ULK2: variants seen among roughly 807,000 people sequenced by gnomAD.
ULK2 encodes the protein unc-51 like autophagy activating kinase 2, also known as serine/threonine-protein kinase ULK2.
Under a neutral mutation model 127.5 loss-of-function variants are expected in ULK2, and 76 were observed. That is an observed-to-expected ratio of 0.60 (90% CI 0.50 to 0.72). The LOEUF is 0.72. ULK2 is among the 30% of genes least tolerant of loss of function. The pLI is 0.00. For synonymous variants in ULK2, 452 were observed against 461.9 expected (o/e 0.98, Z 0.28); for missense variants, 1,144 against 1,295.9 (o/e 0.88, Z 1.80).
At chr17:19,844,172 C>T (rs762617029) in intron 7 of ULK2, among the ~76,000 whole-genome samples, 2 of 152,144 alleles carry the variant, frequency 1.3e-5, no homozygotes, top group African/African-American at 4.8e-5. Flanking sequence ...TGCTTTGTTA[C>T]GGGTATTTTC....
chr17:19,848,572 T>A (rs1434660793), intron 5 of ULK2, among the ~76,000 whole-genome samples: 1 of 151,854 alleles, frequency 6.6e-6, no homozygotes, highest in East Asian at 1.9e-4. Flanking sequence ...AGGTCAGGAG[T>A]TCGAGACCAG....
intron 16 of ULK2, among the ~76,000 whole-genome samples, chr17:19,800,240 T>C (rs960858898): frequency 6.6e-6 from 1 of 152,188 alleles, no homozygotes; most frequent in African/African-American, 2.4e-5. Flanking sequence ...TCACAGAAGT[T>C]TCCCCAAGTC....
intron 12 of ULK2, among the ~76,000 whole-genome samples, chr17:19,818,554 T>C (rs1181084990): frequency 2.0e-5 from 3 of 152,040 alleles, no homozygotes; most frequent in Non-Finnish European, 4.4e-5. Context: ...TCATTCTTTC[T>C]CGTAACAGTG....
At chr17:19,822,672 T>G (rs190085756) in intron 12 of ULK2, among the ~76,000 whole-genome samples, 1 of 151,522 alleles carries the variant, frequency 6.6e-6, no homozygotes, top group Non-Finnish European at 1.5e-5. Context: ...CCGGCCCGTT[T>G]ACTGTTTTTT....
At chr17:19,838,262 T>C (rs1293670053) in intron 10 of ULK2, among the ~76,000 whole-genome samples, 1 of 151,996 alleles carries the variant, frequency 6.6e-6, no homozygotes. Flanking sequence ...GTTTTTAATT[T>C]GTTTATTGTC....
chr17:19,845,245 A>T, intron 7 of ULK2, 59 bp downstream of exon 7: 1 of 1,449,690 alleles, frequency 6.9e-7, no homozygotes, highest in Non-Finnish European at 9.6e-7. Flanking sequence ...CATTATATTT[A>T]AATTCCAATG....
chr17:19,859,477 G>A (rs993179116), intron 3 of ULK2, among the ~76,000 whole-genome samples: 6 of 152,152 alleles, frequency 3.9e-5, no homozygotes, highest in Non-Finnish European at 7.4e-5. Context: ...TGAGACTGTC[G>A]CTGCACTCCC....
At chr17:19,793,391 A>G (rs2152384595) in intron 20 of ULK2, among the ~76,000 whole-genome samples, 1 of 152,324 alleles carries the variant, frequency 6.6e-6, no homozygotes, top group African/African-American at 2.4e-5. Flanking sequence ...AAGGCTAGCA[A>G]AACAACACAA....
At chr17:19,830,952 CG>C (rs1214184874) in intron 10 of ULK2, among the ~76,000 whole-genome samples, 1 of 149,754 alleles carries the variant, frequency 6.7e-6, no homozygotes, top group Non-Finnish European at 1.5e-5. Context: ...GCTTGAACCC[CG>C]GAAGTGGAGG....
chr17:19,853,823 G>C (rs1314681014), intron 3 of ULK2, among the ~76,000 whole-genome samples: 3 of 151,518 alleles, frequency 2.0e-5, no homozygotes, highest in African/African-American at 7.3e-5. Flanking sequence ...CCCCCGCCTC[G>C]GCCTCCCAAA....
chr17:19,807,104 G>T (rs2087531076), intron 14 of ULK2, among the ~76,000 whole-genome samples: 1 of 152,204 alleles, frequency 6.6e-6, no homozygotes, highest in African/African-American at 2.4e-5. Context: ...AGAGAAGAAG[G>T]AAGGATCTAT....
chr17:19,848,825 T>C (rs1328909197), intron 5 of ULK2, among the ~76,000 whole-genome samples: 5 of 151,986 alleles, frequency 3.3e-5, no homozygotes, highest in Non-Finnish European at 5.9e-5. Context: ...CACAATTTGA[T>C]CTGAATGCTT....
At chr17:19,833,127 GA>G (rs71157837) in intron 10 of ULK2, among the ~76,000 whole-genome samples, 63 of 115,478 alleles carry the variant, frequency 5.5e-4, no homozygotes, top group East Asian at 3.7e-3. Flanking sequence ...TGTCTCAAAG[GA>G]AAAAAAAAAA....
chr17:19,815,048 A>C (rs2040951193), intron 13 of ULK2, among the ~76,000 whole-genome samples: 1 of 152,184 alleles, frequency 6.6e-6, no homozygotes, highest in Admixed American at 6.5e-5. Flanking sequence ...ATTGGGCATC[A>C]TGCTGGCACT....
At chr17:19,824,488 G>A (rs999151748) in intron 12 of ULK2, among the ~76,000 whole-genome samples, 2 of 145,230 alleles carry the variant, frequency 1.4e-5, no homozygotes, top group East Asian at 4.2e-4. Flanking sequence ...TAAGAGAAGA[G>A]TGGAGTAGGA....
At chr17:19,797,850 T>C (rs547783049) in intron 17 of ULK2, among the ~76,000 whole-genome samples, 168 bp from the exon 18 acceptor site, 5 of 152,298 alleles carry the variant, frequency 3.3e-5, no homozygotes, top group Middle Eastern at 3.4e-3. Context: ...CTGTCATCCT[T>C]TGCAAAACAA....
At chr17:19,832,266 CT>C (rs139741876) in intron 10 of ULK2, among the ~76,000 whole-genome samples, 8,115 of 140,348 alleles carry the variant, frequency 0.058, 292 homozygotes, top group African/African-American at 0.13. Flanking sequence ...GAAACATTTT[CT>C]TTTTTTTTTT....
At chr17:19,820,856 G>T (rs1187935428) in intron 12 of ULK2, among the ~76,000 whole-genome samples, 2 of 152,126 alleles carry the variant, frequency 1.3e-5, no homozygotes, top group Non-Finnish European at 2.9e-5. Flanking sequence ...CATAGGCAAT[G>T]AAGATACATA....
chr17:19,818,797 C>CTTTTTTTTTT (rs71157835), intron 12 of ULK2, among the ~76,000 whole-genome samples: 15 of 77,740 alleles, frequency 1.9e-4, no homozygotes, highest in East Asian at 6.3e-4. Context: ...TTTCTTTTTT[C>CTTTTTTTTTT]TTTTTTTTTT....
Sources: allele counts gnomAD v4.1 joint callset (sites outside exome capture counted in the v4.1 genomes callset), GRCh38; gene constraint gnomAD v4.1.1; transcripts MANE v1.5; gene names NCBI Gene and HGNC (gene_info 2026-07-23, HGNC 2026-07-21).